The following NPC1 variants were observed in gnomAD, a reference collection of about 807,000 sequenced individuals.
The protein encoded by NPC1 is NPC intracellular cholesterol transporter 1.
A neutral mutation model predicts 140.4 loss-of-function variants in NPC1; 85 were observed. The ratio of observed to expected loss-of-function variants is 0.61; its 90% CI spans 0.51 to 0.72. NPC1 has a LOEUF of 0.72. Ranked by LOEUF, NPC1 falls within the 30% of genes least tolerant of loss-of-function variation. The pLI is 0.00. For missense variants in NPC1, 1,504 were observed against 1,623.8 expected (o/e 0.93, Z 1.27); for synonymous variants, 656 against 624.8 (o/e 1.05, Z -0.74).
At chr18:23,561,334 A>T (rs1183383565) in intron 5 of NPC1, 26 bp downstream of exon 5, 1 of 1,613,396 alleles carries the variant, frequency 6.2e-7, no homozygotes, top group Non-Finnish European at 8.5e-7. Flanking sequence ...TCATAAACAC[A>T]CCAAACTTGG....
intron 4 of NPC1, among the ~76,000 whole-genome samples, chr18:23,568,248 G>C (rs142273234): frequency 6.6e-6 from 1 of 152,010 alleles, no homozygotes; most frequent in Non-Finnish European, 1.5e-5. Context: ...AGGTTGCCTT[G>C]TATGTCACAT....
At chr18:23,540,595 G>C in intron 16 of NPC1, 58 bp from the exon 17 acceptor site, 10 of 1,252,878 alleles carry the variant, frequency 8.0e-6, no homozygotes, top group Non-Finnish European at 1.2e-5. Flanking sequence ...CTTACGACCA[G>C]AAATAAAATC....
Position 23,536,756 on chromosome 18 carries a change from A to G in NPC1, c.3162T>C (p.Ala1054=). The G allele has an allele frequency of 6.2e-7, 1 of 1,614,110 alleles. No homozygotes were observed. Among genetic ancestry groups the G allele is most frequent in the South Asian group, 1.1e-5 (1 of 91,078 alleles). ...VLQTSADFID[A]LKKARLIASN... ...TGGCTATAAGTCGGGCTTTCTTCAG[A>G]GCGTCAATAAAGTCAGCAGAGGTCT... The change falls in exon 21 of 25, where the codon GCT becomes GCC. Residue 1054 remains alanine, a synonymous_variant. Coordinates refer to ENST00000269228, the MANE Select transcript of NPC1 (RefSeq NM_000271.5).
At chr18:23,529,814 C>T, downstream of NPC1, 1 of 1,221,486 alleles carries the variant, frequency 8.2e-7, no homozygotes, top group Non-Finnish European at 1.2e-6. Context: ...ACAGGTCTGC[C>T]TCCCTGACTC....
chr18:23,580,567 A>G (rs2059344844), intron 1 of NPC1, among the ~76,000 whole-genome samples: 1 of 152,200 alleles, frequency 6.6e-6, no homozygotes, highest in African/African-American at 2.4e-5. Flanking sequence ...CATCCACCAG[A>G]GCTGGGAGTG....
chr18:23,520,322 G>C (rs1012739717), downstream of NPC1: 4 of 1,603,714 alleles, frequency 2.5e-6, no homozygotes. Context: ...AGGTAACACG[G>C]GTTCTGTAGA....
chr18:23,520,702 C>G (rs540084509), downstream of NPC1, among the ~76,000 whole-genome samples: 1 of 152,084 alleles, frequency 6.6e-6, no homozygotes, highest in African/African-American at 2.4e-5. Context: ...GTGGCATGAT[C>G]TCGGCTCACT....
At chr18:23,512,582 A>G (rs2057891080) in intron 3 of NPC1, among the ~76,000 whole-genome samples, 1 of 149,630 alleles carries the variant, frequency 6.7e-6, no homozygotes, top group Non-Finnish European at 1.5e-5. Flanking sequence ...CAGCACGCCC[A>G]ACTTAATTTT....
downstream of NPC1, chr18:23,527,701 C>A: frequency 1.1e-6 from 1 of 909,844 alleles, no homozygotes; most frequent in South Asian, 1.3e-5. Context: ...CATTGGTAAC[C>A]TTTTGAGATT....
At chr18:23,585,133 T>A (rs2059401960) in intron 1 of NPC1, among the ~76,000 whole-genome samples, 1 of 152,170 alleles carries the variant, frequency 6.6e-6, no homozygotes, top group Non-Finnish European at 1.5e-5. Flanking sequence ...TAATTGCTAT[T>A]ATTTATTTCT....
chr18:23,551,800 G>A, intron 9 of NPC1, 73 bp from the exon 10 acceptor site: 1 of 1,003,466 alleles, frequency 1.0e-6, no homozygotes, highest in South Asian at 1.3e-5. Flanking sequence ...CATTTACACA[G>A]TGAACATTTG....
At chr18:23,556,145 A>G in intron 8 of NPC1, 98 bp downstream of exon 8, 2 of 1,083,406 alleles carry the variant, frequency 1.8e-6, no homozygotes, top group Admixed American at 3.4e-5. Flanking sequence ...ATACCATGAC[A>G]TTCAGCCCCA....
At chr18:23,535,755 G>C (rs372756851) in intron 21 of NPC1, 55 bp from the exon 22 acceptor site, 1 of 1,162,016 alleles carries the variant, frequency 8.6e-7, no homozygotes. Flanking sequence ...CGAACACTGC[G>C]TGTTCATCCT....
At chr18:23,510,901 G>C (rs1328077943) in intron 3 of NPC1, among the ~76,000 whole-genome samples, 1 of 152,350 alleles carries the variant, frequency 6.6e-6, no homozygotes, top group African/African-American at 2.4e-5. Flanking sequence ...TTCAACCTTT[G>C]TGGAAAACAG....
rs760268986 is a variant in NPC1 at position 23,536,798 on chromosome 18, G to A, written c.3120C>T (p.Thr1040=). The A allele has an allele frequency of 2.5e-6, 4 of 1,614,082 alleles. No individual in the cohort carries two copies. The highest frequency in any genetic ancestry group is 3.4e-6 in the Non-Finnish European group (4 of 1,180,036). ...CAGAGGTCTGCAGCACGGTGTGGTA[G>A]GTCATGAAGTACGTGGCTCCGACCC... ...GTRVGATYFM[T]YHTVLQTSAD... is the part of the protein sequence containing the mutation. Residue 1040 remains threonine (T), a synonymous_variant, in exon 21 of 25, where the codon ACC becomes ACT. Transcript: ENST00000269228.
chr18:23,524,097 G>A, intron 1 of NPC1: 1 of 1,612,274 alleles, frequency 6.2e-7, no homozygotes, highest in Non-Finnish European at 8.5e-7. Flanking sequence ...TTTTCTGACT[G>A]CATCGTTGCA....
At chr18:23,552,428 G>A (rs561929809) in intron 9 of NPC1, among the ~76,000 whole-genome samples, 52 of 152,376 alleles carry the variant, frequency 3.4e-4, no homozygotes, top group Non-Finnish European at 5.7e-4. Flanking sequence ...AGGACTCAGT[G>A]CCAGTTAAGT....
chr18:23,519,764 A>G (rs1444627206), downstream of NPC1, among the ~76,000 whole-genome samples: 2 of 152,158 alleles, frequency 1.3e-5, no homozygotes, highest in African/African-American at 4.8e-5. Context: ...TGCAATTGTG[A>G]GCATGGATGA....
intron 4 of NPC1, among the ~76,000 whole-genome samples, chr18:23,568,562 G>A (rs2059158386): frequency 6.6e-6 from 1 of 152,206 alleles, no homozygotes; most frequent in Admixed American, 6.5e-5. Context: ...TTACTGAAGT[G>A]TATGGATGCA....
Sources: allele counts gnomAD v4.1 joint callset (sites outside exome capture counted in the v4.1 genomes callset), GRCh38; gene constraint gnomAD v4.1.1; transcripts MANE v1.5; gene names NCBI Gene and HGNC (gene_info 2026-07-23, HGNC 2026-07-21).